The following SLCO5A1 variants were observed in gnomAD, a reference collection of about 807,000 sequenced individuals.
The protein encoded by SLCO5A1 is organic anion transporter polypeptide-related protein 4.
A neutral mutation model predicts 65.1 loss-of-function variants in SLCO5A1; 39 were observed. The ratio of observed to expected loss-of-function variants is 0.60; its 90% CI spans 0.46 to 0.78. The LOEUF (loss-of-function observed/expected upper bound fraction) is 0.78. Among genes scored for constraint, SLCO5A1 ranks in the 30% least tolerant of loss-of-function variants. The pLI is 0.00. For missense variants in SLCO5A1, 1,029 were observed against 1,069.4 expected (o/e 0.96, Z 0.53); for synonymous variants, 438 against 415.7 (o/e 1.05, Z -0.65).
At chr8:69,823,462 C>T (rs1820736756) in intron 2 of SLCO5A1, among the ~76,000 whole-genome samples, 1 of 152,054 alleles carries the variant, frequency 6.6e-6, no homozygotes, top group African/African-American at 2.4e-5. Flanking sequence ...CAAAAAAAGG[C>T]AGGGGTTGCA....
chr8:69,675,092 A>G (rs1288348416), intron 9 of SLCO5A1, among the ~76,000 whole-genome samples: 1 of 151,200 alleles, frequency 6.6e-6, no homozygotes, highest in Non-Finnish European at 1.5e-5. Context: ...TTATTCAATT[A>G]CCCCTTTGGT....
intron 2 of SLCO5A1, among the ~76,000 whole-genome samples, chr8:69,824,476 C>T (rs1168863839): frequency 6.6e-6 from 1 of 152,106 alleles, no homozygotes; most frequent in African/African-American, 2.4e-5. Context: ...ATACAAACTA[C>T]CATCAGAGAA....
intron 5 of SLCO5A1, among the ~76,000 whole-genome samples, chr8:69,709,868 C>T (rs1185682343): frequency 6.6e-6 from 1 of 152,098 alleles, no homozygotes; most frequent in Non-Finnish European, 1.5e-5. Context: ...AAGCTTGCAG[C>T]TGCATTCACT....
intron 3 of SLCO5A1, among the ~76,000 whole-genome samples, chr8:69,758,882 G>C (rs1252266253): frequency 6.6e-6 from 1 of 152,158 alleles, no homozygotes; most frequent in African/African-American, 2.4e-5. Flanking sequence ...CATTCACTAA[G>C]GGGGCCAGTT....
At chr8:69,696,673 C>T (rs895641928) in intron 6 of SLCO5A1, among the ~76,000 whole-genome samples, 2 of 152,258 alleles carry the variant, frequency 1.3e-5, no homozygotes, top group African/African-American at 2.4e-5. Flanking sequence ...AGAAAAGACA[C>T]GATCTGAGAT....
rs1436950836 is a variant in SLCO5A1, at chr8:69,669,699, C to T, written c.*3170G>A. 2 of 151,984 alleles carry T rather than the reference C, an allele frequency of 1.3e-5. No homozygotes were observed. The highest frequency in any genetic ancestry group is 3.9e-4 in the East Asian group (2 of 5,174). The allele number at this position is 151,984 out of a possible 1,614,324, so 9.4% of individuals were successfully genotyped here. A position where few individuals can be genotyped will look rare whatever the true frequency, so the allele number is the denominator to read the frequency against. ...GGGTGTGGTGGCACACACCTTAATC[C>T]CAGTTCCTCAGGAGACTGAAACAGG... On this transcript the variant is annotated 3_prime_UTR_variant, in exon 10 of 10. Coordinates refer to ENST00000260126, the MANE Select transcript of SLCO5A1 (RefSeq NM_030958.3).
At chr8:69,699,519 C>T (rs1173100965) in intron 6 of SLCO5A1, among the ~76,000 whole-genome samples, 2 of 152,126 alleles carry the variant, frequency 1.3e-5, no homozygotes, top group Non-Finnish European at 2.9e-5. Context: ...CCACCTCCCA[C>T]AGCGAGACCC....
chr8:69,765,707 T>A (rs1818030776), intron 2 of SLCO5A1, among the ~76,000 whole-genome samples: 1 of 152,174 alleles, frequency 6.6e-6, no homozygotes, highest in Non-Finnish European at 1.5e-5. Context: ...GGCCTCCTGC[T>A]ACCATTCTAT....
chr8:69,810,458 A>C (rs1485604429), intron 2 of SLCO5A1, among the ~76,000 whole-genome samples: 1 of 152,210 alleles, frequency 6.6e-6, no homozygotes, highest in Non-Finnish European at 1.5e-5. Flanking sequence ...CAGCTCCCAC[A>C]GTAAAGACAG....
chr8:69,784,791 A>G (rs1586796446), intron 2 of SLCO5A1, among the ~76,000 whole-genome samples: 1 of 107,176 alleles, frequency 9.3e-6, no homozygotes, highest in Non-Finnish European at 1.9e-5. Flanking sequence ...CTGTCTGAAA[A>G]AAAAAGAAAG....
chr8:69,809,054 A>G (rs1820122555), intron 2 of SLCO5A1, among the ~76,000 whole-genome samples: 2 of 152,224 alleles, frequency 1.3e-5, no homozygotes, highest in South Asian at 4.1e-4. Context: ...CAGTAAGCTG[A>G]GATAGCACCA....
intron 5 of SLCO5A1, among the ~76,000 whole-genome samples, chr8:69,714,285 C>G (rs956976967): frequency 6.6e-5 from 10 of 152,190 alleles, no homozygotes; most frequent in African/African-American, 2.4e-4. Flanking sequence ...TATTTCACAG[C>G]ATAGCTTCAA....
At position 69,832,043 on chromosome 8, in the gene SLCO5A1, G is replaced by T. The variant is rs2130931160; in HGVS notation, c.631C>A (p.Leu211Ile). 1 of 1,611,858 alleles carries T rather than the reference G, an allele frequency of 6.2e-7. No individual in the cohort carries two copies. The highest frequency in any genetic ancestry group is 8.5e-7 in the Non-Finnish European group (1 of 1,179,300). The change falls in exon 2 of 10, where the codon CTC becomes ATC. Residue 211 changes from leucine to isoleucine, a missense_variant. This residue lies in a region of SLCO5A1 where 647 missense variants were observed against 647.5 expected (regional missense o/e 1.00). Transcript: ENST00000260126. The surrounding 1 kb of genome is among the most constrained non-coding windows in gnomAD (Gnocchi z 4.5). ...GAGATGAAGTGAGGTAAGGCGAAGAGGGCTGCCCCGAAGGCGATGAGGAGT... is the reference window on the plus strand; with the variant it reads ...GAGATGAAGTGAGGTAAGGCGAAGATGGCTGCCCCGAAGGCGATGAGGAGT... Reference protein sequence around the residue: ...GGLLIAFGAALFALPHFISPP... With the variant: ...GGLLIAFGAAIFALPHFISPP...
intron 2 of SLCO5A1, among the ~76,000 whole-genome samples, chr8:69,830,339 A>T (rs1401695148): frequency 6.6e-6 from 1 of 152,146 alleles, no homozygotes; most frequent in Non-Finnish European, 1.5e-5. Context: ...TGCTAAATAT[A>T]GCTAGTATTT....
intron 5 of SLCO5A1, among the ~76,000 whole-genome samples, chr8:69,725,460 G>GATGGATGTATGT (rs1816018878): frequency 6.7e-6 from 1 of 150,360 alleles, no homozygotes; most frequent in African/African-American, 2.5e-5. Context: ...AAAGAATAAA[G>GATGGATGTATGT]ATGTATGTAT....
chr8:69,708,723 G>T (rs974111225), intron 5 of SLCO5A1, among the ~76,000 whole-genome samples: 1 of 152,074 alleles, frequency 6.6e-6, no homozygotes, highest in African/African-American at 2.4e-5. Context: ...GATCAACATG[G>T]AGAAACCCCG....
At chr8:69,723,310 G>T (rs1815914162) in intron 5 of SLCO5A1, among the ~76,000 whole-genome samples, 1 of 152,054 alleles carries the variant, frequency 6.6e-6, no homozygotes, top group African/African-American at 2.4e-5. Flanking sequence ...GGAGTGCAGT[G>T]GTGCGATCTT....
chr8:69,703,111 AAAAAAAAAAAAAAG>A (rs753638796), intron 6 of SLCO5A1, among the ~76,000 whole-genome samples: 1 of 69,090 alleles, frequency 1.4e-5, no homozygotes, highest in Non-Finnish European at 3.4e-5. Context: ...ACTCTGTTTC[AAAAAAAAAAAAAAG>A]AAAAAAGAAA....
chr8:69,814,138 T>C (rs1204719515), intron 2 of SLCO5A1, among the ~76,000 whole-genome samples: 2 of 152,096 alleles, frequency 1.3e-5, no homozygotes, highest in Non-Finnish European at 2.9e-5. Flanking sequence ...TTAGGAATAA[T>C]GTTTTGAATA....
Sources: allele counts gnomAD v4.1 joint callset (sites outside exome capture counted in the v4.1 genomes callset), GRCh38; gene constraint gnomAD v4.1.1; regional missense constraint gnomAD v4.1.1; non-coding constraint Gnocchi (gnomAD v3.1); transcripts MANE v1.5; gene names NCBI Gene and HGNC (gene_info 2026-07-23, HGNC 2026-07-21).